CCDC81: variants seen among roughly 807,000 people sequenced by gnomAD.
The protein encoded by CCDC81 is coiled-coil domain-containing protein 81.
Under a neutral mutation model 83.7 loss-of-function variants are expected in CCDC81, and 79 were observed. That is an observed-to-expected ratio of 0.94 (90% CI 0.79 to 1.14). The LOEUF (loss-of-function observed/expected upper bound fraction) is 1.14. Among genes scored for constraint, CCDC81 ranks in the 50% most tolerant of loss-of-function variants. The pLI, the probability that CCDC81 is intolerant of heterozygous loss-of-function variation, is 0.00. For missense variants in CCDC81, 791 were observed against 778.1 expected, an observed-to-expected ratio of 1.02 and a Z score of -0.20; for synonymous variants, 252 against 278.1, an observed-to-expected ratio of 0.91 and a Z score of 0.93.
chr11:86,417,727 T>C (rs1317720024), intron 13 of CCDC81, among the ~76,000 whole-genome samples: 1 of 152,070 alleles, frequency 6.6e-6, no homozygotes, highest in Admixed American at 6.5e-5. Flanking sequence ...GTGTCCAATG[T>C]ACGGTACATC....
At chr11:86,402,423 C>T (rs1016409833) in intron 7 of CCDC81, among the ~76,000 whole-genome samples, 1 of 152,042 alleles carries the variant, frequency 6.6e-6, no homozygotes, top group East Asian at 1.9e-4. Context: ...TGGTGATTTC[C>T]CCATGACATT....
Position 86,387,575 on chromosome 11 carries a change from A to G in CCDC81, c.201A>G (p.Gly67=). The change falls in exon 3 of 15, where the codon GGA becomes GGG. Residue 67 remains glycine (G), a synonymous_variant. Transcript: ENST00000445632. ...FTFIRQKLEV[G]NNKFILIQRP... is the part of the protein sequence containing the mutation. ...TCATAAGACAAAAGCTTGAGGTGGG[A>G]AACAACAAATTTATCTTAATCCAGA... The G allele has an allele frequency of 1.2e-6, 2 of 1,613,862 alleles. No homozygotes were observed. The highest frequency in any genetic ancestry group is 2.2e-5 in the South Asian group (2 of 91,074).
rs1375299152 is a variant in CCDC81 at position 86,395,416 on chromosome 11, G to T, written c.635+3G>T. ...AGCAGTGTGCTTGCGTTTCCAAGGT[G>T]AGTGCTTTGCTTCACGGGTTCCTCT... On this transcript the variant is annotated splice_donor_region_variant and intron_variant, in intron 5 of 14. Coordinates refer to ENST00000445632, the MANE Select transcript of CCDC81 (RefSeq NM_001156474.2). 4.3e-6 allele frequency: 7 copies of T among 1,613,662 alleles called. No homozygotes were observed. Among genetic ancestry groups the T allele is most frequent in the South Asian group, 1.1e-5 (1 of 91,034 alleles).
intron 7 of CCDC81, among the ~76,000 whole-genome samples, chr11:86,405,736 G>A (rs1218065947): frequency 6.7e-6 from 1 of 149,140 alleles, no homozygotes; most frequent in African/African-American, 2.5e-5. Flanking sequence ...ATTTGGATTT[G>A]TCAACATGTT....
rs1242523244 is a variant in CCDC81, at chr11:86,397,345, A to G, written c.636-276A>G. On this transcript the variant is annotated intron_variant, in intron 5 of 14. Coordinates refer to ENST00000445632, the MANE Select transcript of CCDC81 (RefSeq NM_001156474.2). ...TATAAAAATTCAAATTGAAACAAAA[A>G]CCAATAACCTAAATAAAGGACTTTA... Among the ~76,000 whole-genome samples, 5 of 152,190 alleles carry G rather than the reference A, an allele frequency of 3.3e-5. No individual in the cohort carries two copies. The East Asian group carries it at 9.6e-4, about 29-fold the overall frequency.
In CCDC81 at chr11:86,392,784, A is replaced by G. The variant is rs1455951342; in HGVS notation, c.542A>G (p.Lys181Arg). The change falls in exon 4 of 15, where the codon AAG (lysine) becomes AGG (arginine). Residue 181 changes from lysine (K) to arginine (R), a missense_variant. Lys to Arg is a conservative substitution (Grantham distance 26, BLOSUM62 2). Coordinates refer to ENST00000445632, the MANE Select transcript of CCDC81 (RefSeq NM_001156474.2). Reference sequence around the variant, plus strand: ...ATGGATGGAAGTGGGGCTTTGGCAAAGGCCCTAGCAAATGTAAATTAATAT... The same window carrying G: ...ATGGATGGAAGTGGGGCTTTGGCAAGGGCCCTAGCAAATGTAAATTAATAT... ...CTMDGSGALAKALANRPGTVD... is the reference protein window; with the variant it reads ...CTMDGSGALARALANRPGTVD... 2 of 1,548,856 alleles carry G rather than the reference A, an allele frequency of 1.3e-6. No homozygotes were observed. The highest frequency in any genetic ancestry group is 1.7e-6 in the Non-Finnish European group (2 of 1,145,760).
At chr11:86,414,913 A>T (rs1948695164) in intron 12 of CCDC81, 46 bp downstream of exon 12, 2 of 1,487,574 alleles carry the variant, frequency 1.3e-6, no homozygotes, top group Non-Finnish European at 1.8e-6. Flanking sequence ...GCAATGCATC[A>T]ATAACATCCT....
At position 86,392,576 on chromosome 11, in the gene CCDC81, A is replaced by T; in HGVS notation, c.334A>T (p.Ile112Leu). Reference sequence around the variant, plus strand: ...AATTGTTCCACTTAATTTTGTCATGATATCCCTGGAGGGTCCATTTAACAG... The same window carrying T: ...AATTGTTCCACTTAATTTTGTCATGTTATCCCTGGAGGGTCCATTTAACAG... ...IPIVPLNFVM[I>L]SLEGPFNRDV... The change falls in exon 4 of 15, where the codon ATA becomes TTA. Residue 112 changes from isoleucine to leucine, a missense_variant. By Grantham distance (5) the Ile-to-Leu change is conservative (BLOSUM62 2). Transcript: ENST00000445632. The T allele has an allele frequency of 6.4e-7, 1 of 1,551,532 alleles. No homozygotes were observed.
At chr11:86,395,705 C>T (rs980694156) in intron 5 of CCDC81, among the ~76,000 whole-genome samples, 2 of 152,184 alleles carry the variant, frequency 1.3e-5, no homozygotes, top group African/African-American at 2.4e-5. Flanking sequence ...ACTGCAACCT[C>T]GGTCTCCTGG....
Position 86,403,544 on chromosome 11 carries a change from G to A in CCDC81, c.881+2743G>A, listed in dbSNP as rs533116772. On this transcript the variant is annotated intron_variant, in intron 7 of 14. Transcript: ENST00000445632. Reference sequence around the variant, plus strand: ...TAGAGGGATAAGATTAGCAGCAGAGGAAGAGGTGTAATAAAATGGAAAAGT... The same window carrying A: ...TAGAGGGATAAGATTAGCAGCAGAGAAAGAGGTGTAATAAAATGGAAAAGT... Among the ~76,000 whole-genome samples the A allele has an allele frequency of 2.6e-5, 4 of 152,256 alleles. No individual in the cohort carries two copies. In the South Asian group the frequency reaches 8.3e-4, roughly 32 times the overall value.
chr11:86,412,561 T>G lies in CCDC81; in HGVS notation c.1391+2T>G. ...GGAACAAGTGCAACTCACAGAGGAG[T>G]GAGTCCAGCTACACACGCTCTGACA... On this transcript the variant is annotated splice_donor_variant, in intron 11 of 14. Transcript: ENST00000445632. LOFTEE classifies it high-confidence loss of function. 1.2e-6 allele frequency: 2 copies of G among 1,600,846 alleles called. No homozygotes were observed. Among genetic ancestry groups the G allele is most frequent in the South Asian group, 2.3e-5 (2 of 88,258 alleles).
At chr11:86,416,168 G>A (rs952949529) in intron 13 of CCDC81, among the ~76,000 whole-genome samples, 1 of 152,084 alleles carries the variant, frequency 6.6e-6, no homozygotes, top group Non-Finnish European at 1.5e-5. Context: ...TTTTCTTATT[G>A]TTGAGTTTTG....
At chr11:86,403,650 A>G (rs1948524102) in intron 7 of CCDC81, among the ~76,000 whole-genome samples, 1 of 152,226 alleles carries the variant, frequency 6.6e-6, no homozygotes, top group African/African-American at 2.4e-5. Context: ...GAGGGCCTTA[A>G]GAGCATATCA....
At chr11:86,393,779 C>G (rs750435069) in intron 4 of CCDC81, among the ~76,000 whole-genome samples, 1 of 152,158 alleles carries the variant, frequency 6.6e-6, no homozygotes, top group Non-Finnish European at 1.5e-5. Context: ...AGTCAATCTA[C>G]CAGACTTACT....
intron 2 of CCDC81, among the ~76,000 whole-genome samples, chr11:86,387,259 T>C (rs1196794040): frequency 1.3e-5 from 2 of 152,190 alleles, no homozygotes; most frequent in African/African-American, 4.8e-5. Flanking sequence ...TTCACACCAA[T>C]TTCTTAGCCT....
chr11:86,382,834 A>T (rs879426183), intron 1 of CCDC81, among the ~76,000 whole-genome samples: 4 of 152,206 alleles, frequency 2.6e-5, no homozygotes, highest in Non-Finnish European at 1.5e-5. Flanking sequence ...TATAAAAGCC[A>T]AAAGGAGAGG....
chr11:86,413,789 A>G (rs1948678080), intron 11 of CCDC81, among the ~76,000 whole-genome samples: 1 of 152,190 alleles, frequency 6.6e-6, no homozygotes, highest in Non-Finnish European at 1.5e-5. Context: ...ACCTGAGGGC[A>G]GGAATGTACA....
In CCDC81 at chr11:86,415,089, T is replaced by TA; in HGVS notation, c.1471-2dup. ...AACCTGCATTATGTGTATCTCTGTT[T>TA]AAGATAAAGAACAAACCCTCTCGGC... is the stretch of plus-strand genomic sequence containing the variant. On this transcript the variant is annotated splice_region_variant and splice_polypyrimidine_tract_variant and intron_variant, in intron 12 of 14. Coordinates refer to ENST00000445632, the MANE Select transcript of CCDC81 (RefSeq NM_001156474.2). 1.9e-6 allele frequency: 3 copies of TA among 1,613,856 alleles called. No individual in the cohort carries two copies. Among genetic ancestry groups the TA allele is most frequent in the Non-Finnish European group, 2.5e-6 (3 of 1,179,746 alleles).
intron 3 of CCDC81, among the ~76,000 whole-genome samples, chr11:86,392,072 C>A (rs1234416597): frequency 6.6e-6 from 1 of 152,188 alleles, no homozygotes; most frequent in Non-Finnish European, 1.5e-5. Flanking sequence ...CCCCCATGAT[C>A]CAATCACCTC....
Sources: gnomAD v4.1 joint callset for allele counts (sites outside exome capture counted in the v4.1 genomes callset) on GRCh38, gnomAD v4.1.1 for gene constraint, MANE v1.5 for transcripts, NCBI Gene and HGNC (gene_info 2026-07-23, HGNC 2026-07-21) for gene names.